Variants in AKR1C8 observed in about 807,000 individuals in gnomAD.
AKR1C8 encodes the protein aldo-keto reductase family 1 member C-like protein 1.
At chr10:5,148,707 A>C in the AKR1C8 span, among the ~76,000 whole-genome samples, 7 of 152,322 alleles carry the variant, frequency 4.6e-5, no homozygotes, top group East Asian at 1.4e-3. Context: ...TATAGGATAT[A>C]GTAAGCATGC....
chr10:5,140,473 A>T, the AKR1C8 span, among the ~76,000 whole-genome samples: 3 of 152,198 alleles, frequency 2.0e-5, no homozygotes, highest in Non-Finnish European at 4.4e-5. Flanking sequence ...AGCCATAAAA[A>T]AGGATGAGTT....
At chr10:5,162,850 C>CA in the AKR1C8 span, 1 of 531,924 alleles carries the variant, frequency 1.9e-6, no homozygotes, top group Non-Finnish European at 3.9e-6. Context: ...ACAGAACTTT[C>CA]ACCTTGATGG....
the AKR1C8 span, chr10:5,123,866 T>G: frequency 1.0e-3 from 1,606 of 1,549,054 alleles, 16 homozygotes; most frequent in South Asian, 0.018. Context: ...ATGAAACAGT[T>G]ATGTTAATAT....
the AKR1C8 span, among the ~76,000 whole-genome samples, chr10:5,168,726 G>C: frequency 3.3e-5 from 5 of 151,956 alleles, no homozygotes; most frequent in Non-Finnish European, 7.4e-5. Context: ...AAGAAAACCA[G>C]TAAAAAGGGG....
chr10:5,145,484 TCAAA>T, the AKR1C8 span, among the ~76,000 whole-genome samples: 3 of 151,626 alleles, frequency 2.0e-5, no homozygotes, highest in Non-Finnish European at 4.4e-5. Flanking sequence ...TACAATGAAC[TCAAA>T]CAAATTTACA....
the AKR1C8 span, among the ~76,000 whole-genome samples, chr10:5,170,339 C>T: frequency 6.6e-6 from 1 of 152,112 alleles, no homozygotes; most frequent in Non-Finnish European, 1.5e-5. Flanking sequence ...ACATAATTTT[C>T]TCTCTTCAGT....
chr10:5,130,943 T>A, the AKR1C8 span, among the ~76,000 whole-genome samples: 2 of 152,066 alleles, frequency 1.3e-5, no homozygotes, highest in Non-Finnish European at 2.9e-5. Flanking sequence ...GACTTTGAAT[T>A]ATACTAGAAG....
chr10:5,146,119 A>G, the AKR1C8 span, among the ~76,000 whole-genome samples: 2,549 of 147,570 alleles, frequency 0.017, 67 homozygotes, highest in African/African-American at 0.059. Flanking sequence ...AACACCGCAT[A>G]TTCTCACTCA....
the AKR1C8 span, among the ~76,000 whole-genome samples, chr10:5,164,274 G>C: frequency 6.6e-6 from 1 of 152,040 alleles, no homozygotes; most frequent in Admixed American, 6.6e-5. Flanking sequence ...TTCCAGTTCA[G>C]AACAGCCCAG....
At chr10:5,128,131 C>A in the AKR1C8 span, among the ~76,000 whole-genome samples, 5 of 152,124 alleles carry the variant, frequency 3.3e-5, no homozygotes, top group Admixed American at 2.6e-4. Context: ...TATCTTTAGC[C>A]TTCTTAAACA....
chr10:5,131,889 G>A, the AKR1C8 span, among the ~76,000 whole-genome samples: 1 of 152,088 alleles, frequency 6.6e-6, no homozygotes. Context: ...ATGCACACAC[G>A]TGTATAGCAG....
At chr10:5,134,900 A>C in the AKR1C8 span, among the ~76,000 whole-genome samples, 2 of 152,218 alleles carry the variant, frequency 1.3e-5, no homozygotes, top group Non-Finnish European at 2.9e-5. Flanking sequence ...GAACACCCAT[A>C]AACAGAAGAA....
the AKR1C8 span, among the ~76,000 whole-genome samples, chr10:5,124,441 A>G: frequency 6.6e-6 from 1 of 152,068 alleles, no homozygotes; most frequent in African/African-American, 2.4e-5. Flanking sequence ...TCTGAGAGGA[A>G]TAACTATTTC....
At chr10:5,157,816 C>G in the AKR1C8 span, 1 of 466,886 alleles carries the variant, frequency 2.1e-6, no homozygotes, top group Non-Finnish European at 4.4e-6. Flanking sequence ...GGGGAGGGAA[C>G]AGACACAGAT....
At chr10:5,132,555 T>C in the AKR1C8 span, 102 of 1,412,692 alleles carry the variant, frequency 7.2e-5, no homozygotes, top group Non-Finnish European at 8.7e-5. Context: ...ATCTCCACAC[T>C]ATCACATTAA....
the AKR1C8 span, among the ~76,000 whole-genome samples, chr10:5,168,419 A>AC: frequency 6.6e-6 from 1 of 151,256 alleles, no homozygotes; most frequent in African/African-American, 2.4e-5. Context: ...TACCACCCAA[A>AC]CCCCCGAGTC....
the AKR1C8 span, among the ~76,000 whole-genome samples, chr10:5,173,979 G>A: frequency 1.3e-5 from 2 of 151,702 alleles, no homozygotes; most frequent in East Asian, 3.9e-4. Context: ...GGAAATAAAA[G>A]AAAAACCATA....
the AKR1C8 span, among the ~76,000 whole-genome samples, chr10:5,124,188 G>A: frequency 1.3e-5 from 2 of 152,088 alleles, no homozygotes; most frequent in African/African-American, 4.8e-5. Context: ...ATGAGGCCAG[G>A]TTTAAAATGC....
At chr10:5,160,527 G>A in the AKR1C8 span, among the ~76,000 whole-genome samples, 1 of 152,060 alleles carries the variant, frequency 6.6e-6, no homozygotes, top group Non-Finnish European at 1.5e-5. Flanking sequence ...GACTCCTTTT[G>A]TGCTTCTCTA....
Sources: gnomAD v4.1 joint callset for allele counts (sites outside exome capture counted in the v4.1 genomes callset) on GRCh38, gnomAD v4.1.1 for gene constraint, MANE v1.5 for transcripts, NCBI Gene and HGNC (gene_info 2026-07-23, HGNC 2026-07-21) for gene names.